Variants in MARCKSL1 observed in about 807,000 individuals in gnomAD.
MARCKSL1 encodes the protein MARCKS like 1.
MARCKSL1 carries 5 observed loss-of-function variants against 13.3 expected under a neutral mutation model. The observed-to-expected ratio is 0.38, with a 90% CI of 0.20 to 0.79. MARCKSL1 has a LOEUF of 0.79. MARCKSL1 is among the 30% of genes least tolerant of loss of function. MARCKSL1 has a pLI of 0.45. For missense variants in MARCKSL1, 274 were observed against 251.6 expected (o/e 1.09, Z -0.60); for synonymous variants, 126 against 103.2 (o/e 1.22, Z -1.34).
rs1641370065 is a variant in MARCKSL1, at chr1:32,335,340, C to G, written c.88-243G>C. Among the ~76,000 whole-genome samples the G allele has an allele frequency of 6.6e-6, 1 of 151,976 alleles. No individual in the cohort carries two copies. On this transcript the variant is annotated intron_variant, in intron 1 of 1. Coordinates refer to ENST00000329421, the MANE Select transcript of MARCKSL1 (RefSeq NM_023009.7). The surrounding 1 kb of genome is among the most constrained non-coding windows in gnomAD (Gnocchi z 4.1). ...GCTGGGGTCCCGTGGCCCCCACCCC[C>G]GTCCCCCGGGGCGCGCTCTCTATTC...
At position 32,334,251 on chromosome 1, in the gene MARCKSL1, A is replaced by C; in HGVS notation, c.*346T>G. The C allele has an allele frequency of 1.0e-5, 2 of 198,108 alleles. No homozygotes were observed. The highest frequency in any genetic ancestry group is 2.3e-5 in the African/African-American group (1 of 43,300). The allele number at this position is 198,108 out of a possible 1,614,324, so 12.3% of individuals were successfully genotyped here. On this transcript the variant is annotated 3_prime_UTR_variant, in exon 2 of 2. Transcript: ENST00000329421. ...GGCTCAGGGATTTGGGGAGTAGGGT[A>C]AACAAAACCTACTTGGAAAAGAATT... is the stretch of plus-strand genomic sequence containing the variant.
chr1:32,335,175 G>C lies in MARCKSL1; in HGVS notation c.88-78C>G. On this transcript the variant is annotated intron_variant, in intron 1 of 1. Coordinates refer to ENST00000329421, the MANE Select transcript of MARCKSL1 (RefSeq NM_023009.7). This position sits in a 1 kb window ranked among gnomAD's most constrained non-coding sequence, Gnocchi z 4.1. Reference sequence around the variant, plus strand: ...CGCTTCTGATCCCTTCTAGAGGAAGGGGTCCTCGATTCGATTCTACTGCAA... The same window carrying C: ...CGCTTCTGATCCCTTCTAGAGGAAGCGGTCCTCGATTCGATTCTACTGCAA... The C allele has an allele frequency of 1.4e-6, 2 of 1,388,710 alleles. No homozygotes were observed. The highest frequency in any genetic ancestry group is 1.9e-6 in the Non-Finnish European group (2 of 1,064,702). 86.0% of individuals were successfully genotyped at this position (1,388,710 alleles called of 1,614,324 possible).
rs1557616133 is a variant in MARCKSL1 at position 32,335,038 on chromosome 1, G to A, written c.147C>T (p.Pro49=). The A allele has an allele frequency of 6.4e-7, 1 of 1,569,616 alleles. No homozygotes were observed. Among genetic ancestry groups the A allele is most frequent in the Non-Finnish European group, 8.6e-7 (1 of 1,159,356 alleles). ...CTGCCTCATCTGTTCCGTTCACAGGGGGCGACTCCCCTTCACCCTTGGGGG... is the reference window on the plus strand; with the variant it reads ...CTGCCTCATCTGTTCCGTTCACAGGAGGCGACTCCCCTTCACCCTTGGGGG... ...DLSPKGEGES[P]PVNGTDEAAG... The change falls in exon 2 of 2, where the codon CCC becomes CCT. Residue 49 remains proline (P), a synonymous_variant. Coordinates refer to ENST00000329421, the MANE Select transcript of MARCKSL1 (RefSeq NM_023009.7). The surrounding 1 kb of genome is among the most constrained non-coding windows in gnomAD (Gnocchi z 4.1).
In MARCKSL1 at chr1:32,336,078, G is replaced by T; in HGVS notation, c.-45C>A. ...GCGCTTGGAGCCGCCCCGGGCTCGC[G>T]CCGCAGGGGATAGTACGGCGGGGTC... On this transcript the variant is annotated 5_prime_UTR_variant, in exon 1 of 2. Coordinates refer to ENST00000329421, the MANE Select transcript of MARCKSL1 (RefSeq NM_023009.7). 4.3e-6 allele frequency: 5 copies of T among 1,167,058 alleles called. No homozygotes were observed. The highest frequency in any genetic ancestry group is 5.5e-6 in the Non-Finnish European group (5 of 917,026). The allele number at this position is 1,167,058 out of a possible 1,614,324, so 72.3% of individuals were successfully genotyped here.
Position 32,335,125 on chromosome 1 carries a change from G to A in MARCKSL1, c.88-28C>T. On this transcript the variant is annotated intron_variant, in intron 1 of 1. Transcript: ENST00000329421. The surrounding 1 kb of genome is among the most constrained non-coding windows in gnomAD (Gnocchi z 4.1). ...GCAGGGCAGAGGGAATAGCAATGAGGGCAGGGGCTCCCCCTCCCCCAGCCC... is the reference window on the plus strand; with the variant it reads ...GCAGGGCAGAGGGAATAGCAATGAGAGCAGGGGCTCCCCCTCCCCCAGCCC... 6.6e-7 allele frequency: 1 copy of A among 1,505,190 alleles called. No individual in the cohort carries two copies. The highest frequency in any genetic ancestry group is 2.3e-5 in the East Asian group (1 of 43,280). 93.2% of individuals were successfully genotyped at this position (1,505,190 alleles called of 1,614,324 possible). A position where few individuals can be genotyped will look rare whatever the true frequency, so the allele number is the denominator to read the frequency against.
chr1:32,335,909 G>A lies in MARCKSL1; in HGVS notation c.87+38C>T, dbSNP rs769555255. 3.0e-5 allele frequency: 37 copies of A among 1,228,174 alleles called. No individual in the cohort carries two copies. The East Asian group carries it at 1.0e-3, about 34-fold the overall frequency. The allele number at this position is 1,228,174 out of a possible 1,614,324, so 76.1% of individuals were successfully genotyped here. The stretch of plus-strand genomic sequence containing the variant: ...GGGCCCTAGAAGGGGCGAGGTGCGA[G>A]AGGAGGGGCTGGGGCCGGCCGGGCC... On this transcript the variant is annotated intron_variant, in intron 1 of 1. Transcript: ENST00000329421. The surrounding 1 kb of genome is among the most constrained non-coding windows in gnomAD (Gnocchi z 4.1).
chr1:32,335,057 T>C lies in MARCKSL1; in HGVS notation c.128A>G (p.Lys43Arg), dbSNP rs768506455. The C allele has an allele frequency of 1.9e-6, 3 of 1,547,862 alleles. No homozygotes were observed. Among genetic ancestry groups the C allele is most frequent in the South Asian group, 1.2e-5 (1 of 81,410 alleles). Residue 43 changes from lysine to arginine, a missense_variant, in exon 2 of 2, where the codon AAG becomes AGG. Lys to Arg is a conservative substitution (Grantham distance 26, BLOSUM62 2). Coordinates refer to ENST00000329421, the MANE Select transcript of MARCKSL1 (RefSeq NM_023009.7). The surrounding 1 kb of genome is among the most constrained non-coding windows in gnomAD (Gnocchi z 4.1). ...HVKSNGDLSP[K>R]GEGESPPVNG... is the part of the protein sequence containing the mutation. ...CACAGGGGGCGACTCCCCTTCACCC[T>C]TGGGGGATAAGTCTCCATTGCTTTT...
Position 32,335,182 on chromosome 1 carries a change from C to G in MARCKSL1, c.88-85G>C, listed in dbSNP as rs1641365895. 1.6e-5 allele frequency: 22 copies of G among 1,342,154 alleles called. No homozygotes were observed. The highest frequency in any genetic ancestry group is 2.0e-5 in the Non-Finnish European group (21 of 1,030,122). 83.1% of individuals were successfully genotyped at this position (1,342,154 alleles called of 1,614,324 possible). On this transcript the variant is annotated intron_variant, in intron 1 of 1. Transcript: ENST00000329421. The surrounding 1 kb of genome is among the most constrained non-coding windows in gnomAD (Gnocchi z 4.1). ...GATCCCTTCTAGAGGAAGGGGTCCT[C>G]GATTCGATTCTACTGCAACCCGAAA...
chr1:32,336,104 G>A lies in MARCKSL1; in HGVS notation c.-71C>T. The stretch of plus-strand genomic sequence containing the variant: ...CCGCAGGGGATAGTACGGCGGGGTC[G>A]GCCCGGCCGGCGGAGGGGTGGGGCT... On this transcript the variant is annotated 5_prime_UTR_variant, in exon 1 of 2. Coordinates refer to ENST00000329421, the MANE Select transcript of MARCKSL1 (RefSeq NM_023009.7). 2 of 866,236 alleles carry A rather than the reference G, an allele frequency of 2.3e-6. No homozygotes were observed. The highest frequency in any genetic ancestry group is 3.1e-6 in the Non-Finnish European group (2 of 652,240). 53.7% of individuals were successfully genotyped at this position (866,236 alleles called of 1,614,324 possible). A position where few individuals can be genotyped will look rare whatever the true frequency, so the allele number is the denominator to read the frequency against.
At position 32,334,788 on chromosome 1, in the gene MARCKSL1, C is replaced by A. The variant is rs1330620575; in HGVS notation, c.397G>T (p.Ala133Ser). 7 of 1,611,564 alleles carry A rather than the reference C, an allele frequency of 4.3e-6. No individual in the cohort carries two copies. The highest frequency in any genetic ancestry group is 4.0e-5 in the African/African-American group (3 of 75,002). Reference protein sequence around the residue: ...EEEQEQGEIGACSDEGTAQEG... With the variant: ...EEEQEQGEIGSCSDEGTAQEG... The stretch of plus-strand genomic sequence containing the variant: ...TGAGCAGTGCCCTCGTCGCTGCAGG[C>A]ACCGATCTCCCCCTGCTCCTGCTCT... Residue 133 changes from alanine (A) to serine (S), a missense_variant, in exon 2 of 2, where the codon GCC becomes TCC. Transcript: ENST00000329421.
Position 32,335,924 on chromosome 1 carries a change from CCGGCCGGGCCA to C in MARCKSL1, c.87+12_87+22del, listed in dbSNP as rs1641384470. 6 of 1,271,718 alleles carry C rather than the reference CCGGCCGGGCCA, an allele frequency of 4.7e-6. No homozygotes were observed. In the Admixed American group the frequency reaches 1.6e-4, roughly 34 times the overall value. The allele number at this position is 1,271,718 out of a possible 1,614,324, so 78.8% of individuals were successfully genotyped here. A position where few individuals can be genotyped will look rare whatever the true frequency, so the allele number is the denominator to read the frequency against. The stretch of plus-strand genomic sequence containing the variant: ...CGAGGTGCGAGAGGAGGGGCTGGGG[CCGGCCGGGCCA>C]AGCGTACCCACCTGGCCGTTGGCCT... On this transcript the variant is annotated intron_variant, in intron 1 of 1. Transcript: ENST00000329421. This position sits in a 1 kb window ranked among gnomAD's most constrained non-coding sequence, Gnocchi z 4.1.
Position 32,334,532 on chromosome 1 carries a change from G to A in MARCKSL1, c.*65C>T. 6.8e-7 allele frequency: 1 copy of A among 1,477,412 alleles called. No homozygotes were observed. Among genetic ancestry groups the A allele is most frequent in the East Asian group, 2.4e-5 (1 of 41,192 alleles). The allele number at this position is 1,477,412 out of a possible 1,614,324, so 91.5% of individuals were successfully genotyped here. A position where few individuals can be genotyped will look rare whatever the true frequency, so the allele number is the denominator to read the frequency against. On this transcript the variant is annotated 3_prime_UTR_variant, in exon 2 of 2. Transcript: ENST00000329421. ...AAGGCAGCCAGGGCACCAGGTCCAGGCAGTGACCTCACAAGGACAGCACAG... is the reference window on the plus strand; with the variant it reads ...AAGGCAGCCAGGGCACCAGGTCCAGACAGTGACCTCACAAGGACAGCACAG...
chr1:32,336,190 C>T lies in MARCKSL1; in HGVS notation c.-157G>A, dbSNP rs1007226119. 2 of 346,484 alleles carry T rather than the reference C, an allele frequency of 5.8e-6. No individual in the cohort carries two copies. The highest frequency in any genetic ancestry group is 1.0e-5 in the Non-Finnish European group (2 of 193,388). The allele number at this position is 346,484 out of a possible 1,614,324, so 21.5% of individuals were successfully genotyped here. ...GCTGCACCTCCGCTCCGCGGCCGAC[C>T]CGCTAGCTGCGCCCGCCGCCGCTCC... is the stretch of plus-strand genomic sequence containing the variant. On this transcript the variant is annotated 5_prime_UTR_variant, in exon 1 of 2. Transcript: ENST00000329421.
rs538388925 is a variant in MARCKSL1 at position 32,334,179 on chromosome 1, G to A, written c.*418C>T. The A allele has an allele frequency of 6.3e-6, 1 of 159,880 alleles. No individual in the cohort carries two copies. The highest frequency in any genetic ancestry group is 2.0e-4 in the South Asian group (1 of 4,984). 9.9% of individuals were successfully genotyped at this position (159,880 alleles called of 1,614,324 possible). A position where few individuals can be genotyped will look rare whatever the true frequency, so the allele number is the denominator to read the frequency against. On this transcript the variant is annotated 3_prime_UTR_variant, in exon 2 of 2. Transcript: ENST00000329421. ...CAGCACAAGAGACTAAAAACAACAG[G>A]GGAAGGCTGGACACTCAAGGTTTGG...
Position 32,335,439 on chromosome 1 carries a change from GGAAGCCGCCC to G in MARCKSL1, c.88-352_88-343del, listed in dbSNP as rs1641373149. Among the ~76,000 whole-genome samples, 3 of 151,886 alleles carry G rather than the reference GGAAGCCGCCC, an allele frequency of 2.0e-5. No homozygotes were observed. In the South Asian group the frequency reaches 6.2e-4, roughly 32 times the overall value. ...GAGCCGCTCTAGGCGACATTGGGCG[GGAAGCCGCCC>G]CGGGGCGCTGTCTCTCTGCACCTGG... On this transcript the variant is annotated intron_variant, in intron 1 of 1. Coordinates refer to ENST00000329421, the MANE Select transcript of MARCKSL1 (RefSeq NM_023009.7). The surrounding 1 kb of genome is among the most constrained non-coding windows in gnomAD (Gnocchi z 4.1).
At position 32,335,112 on chromosome 1, in the gene MARCKSL1, G is replaced by A. The variant is rs1641364043; in HGVS notation, c.88-15C>T. The A allele has an allele frequency of 6.6e-7, 1 of 1,515,582 alleles. No homozygotes were observed. The highest frequency in any genetic ancestry group is 1.8e-4 in the Middle Eastern group (1 of 5,596). 93.9% of individuals were successfully genotyped at this position (1,515,582 alleles called of 1,614,324 possible). A position where few individuals can be genotyped will look rare whatever the true frequency, so the allele number is the denominator to read the frequency against. On this transcript the variant is annotated splice_polypyrimidine_tract_variant and intron_variant, in intron 1 of 1. Transcript: ENST00000329421. This position sits in a 1 kb window ranked among gnomAD's most constrained non-coding sequence, Gnocchi z 4.1. ...TGGCCATTCTCCTGCAGGGCAGAGG[G>A]AATAGCAATGAGGGCAGGGGCTCCC...
In MARCKSL1 at chr1:32,334,594, T is replaced by C. The variant is rs1641351256; in HGVS notation, c.*3A>G. Reference sequence around the variant, plus strand: ...TAGAGATCACCCACCTGCCCCTACCTAGCTACTCATTCTGCTCAGCGCTGG... The same window carrying C: ...TAGAGATCACCCACCTGCCCCTACCCAGCTACTCATTCTGCTCAGCGCTGG... On this transcript the variant is annotated 3_prime_UTR_variant, in exon 2 of 2. Transcript: ENST00000329421. 6.5e-7 allele frequency: 1 copy of C among 1,532,608 alleles called. No individual in the cohort carries two copies. Among genetic ancestry groups the C allele is most frequent in the African/African-American group, 1.4e-5 (1 of 72,212 alleles). The allele number at this position is 1,532,608 out of a possible 1,614,324, so 94.9% of individuals were successfully genotyped here. A position where few individuals can be genotyped will look rare whatever the true frequency, so the allele number is the denominator to read the frequency against.
In MARCKSL1 at chr1:32,334,996, A is replaced by T. The variant is rs756556914; in HGVS notation, c.189T>A (p.Asp63Glu). 6 of 1,607,070 alleles carry T rather than the reference A, an allele frequency of 3.7e-6. No individual in the cohort carries two copies. In the South Asian group the frequency reaches 6.6e-5, roughly 18 times the overall value. Residue 63 changes from aspartate (D) to glutamate (E), a missense_variant, in exon 2 of 2, where the codon GAT becomes GAA. Coordinates refer to ENST00000329421, the MANE Select transcript of MARCKSL1 (RefSeq NM_023009.7). ...GGCTAGGGGGTGCTGGCTCGATGGC[A>T]TCGCCAGTGGCCCCGGCTGCCTCAT... Reference protein sequence around the residue: ...GTDEAAGATGDAIEPAPPSQG... With the variant: ...GTDEAAGATGEAIEPAPPSQG...
At position 32,334,788 on chromosome 1, in the gene MARCKSL1, C is replaced by G; in HGVS notation, c.397G>C (p.Ala133Pro). The change falls in exon 2 of 2, where the codon GCC becomes CCC. Residue 133 changes from alanine to proline, a missense_variant. By Grantham distance (27) the Ala-to-Pro change is conservative (BLOSUM62 -1). Coordinates refer to ENST00000329421, the MANE Select transcript of MARCKSL1 (RefSeq NM_023009.7). ...EEEQEQGEIG[A>P]CSDEGTAQEG... ...TGAGCAGTGCCCTCGTCGCTGCAGGCACCGATCTCCCCCTGCTCCTGCTCT... is the reference window on the plus strand; with the variant it reads ...TGAGCAGTGCCCTCGTCGCTGCAGGGACCGATCTCCCCCTGCTCCTGCTCT... 2 of 1,611,564 alleles carry G rather than the reference C, an allele frequency of 1.2e-6. No homozygotes were observed. The highest frequency in any genetic ancestry group is 2.2e-5 in the South Asian group (2 of 91,022).
Sources: gnomAD v4.1 joint callset for allele counts (sites outside exome capture counted in the v4.1 genomes callset) on GRCh38, gnomAD v4.1.1 for gene constraint, Gnocchi (gnomAD v3.1) non-coding constraint, MANE v1.5 for transcripts, NCBI Gene and HGNC (gene_info 2026-07-23, HGNC 2026-07-21) for gene names.